HADH: variants seen among roughly 807,000 people sequenced by gnomAD.
HADH encodes the protein hydroxyacyl-coenzyme A dehydrogenase, mitochondrial.
HADH carries 24 observed loss-of-function variants against 32.2 expected under a neutral mutation model. That is an observed-to-expected ratio of 0.75 (90% CI 0.54 to 1.05). HADH has a LOEUF of 1.05. Among genes scored for constraint, HADH ranks in the 50% least tolerant of loss-of-function variants. The pLI is 0.00. For missense variants in HADH, 350 were observed against 397.1 expected, an observed-to-expected ratio of 0.88 and a Z score of 1.01; for synonymous variants, 139 against 152.5, an observed-to-expected ratio of 0.91 and a Z score of 0.65.
At chr4:108,030,853 T>C (rs959700004) in intron 6 of HADH, 3 of 152,234 alleles carry the variant, frequency 2.0e-5, no homozygotes, top group African/African-American at 7.2e-5. Context: ...GTATTTTGTT[T>C]CTCTGTTTCT....
rs553014808 is a variant in HADH, at chr4:107,990,743, C to CTTT, written c.132+700_132+702dup. 3.9e-3 allele frequency among the ~76,000 whole-genome samples: 441 copies of CTTT among 111,846 alleles called. 9 individuals are homozygous for CTTT. Among genetic ancestry groups the CTTT allele is most frequent in the African/African-American group, 8.5e-3 (232 of 27,270 alleles). The allele number at this position is 111,846 out of a possible 152,430, so 73.4% of individuals were successfully genotyped here. The stretch of plus-strand genomic sequence containing the variant: ...GCGCTGCAGCGGAATAAGTCTCTCT[C>CTTT]TTTTTTTTTTTTTTTTTTTTTTTGA... On this transcript the variant is annotated intron_variant, in intron 1 of 7. Coordinates refer to ENST00000309522, the MANE Select transcript of HADH (RefSeq NM_005327.7).
intron 1 of HADH, among the ~76,000 whole-genome samples, chr4:107,995,448 ATT>A (rs1734927917): frequency 6.6e-6 from 1 of 152,134 alleles, no homozygotes; most frequent in Non-Finnish European, 1.5e-5. Context: ...TCTAGTGAGG[ATT>A]TCTCTTAGAT....
intron 5 of HADH, chr4:108,024,248 G>A (rs1279855288): frequency 1.3e-5 from 2 of 151,978 alleles, no homozygotes; most frequent in African/African-American, 4.8e-5. Flanking sequence ...TTCCTCTTTA[G>A]TTCCCCCAAA....
At chr4:108,025,931 C>T (rs1736053096) in intron 5 of HADH, 1 of 152,194 alleles carries the variant, frequency 6.6e-6, no homozygotes, top group Non-Finnish European at 1.5e-5. Flanking sequence ...CTGATAGCAT[C>T]TGTCTCTCTG....
intron 2 of HADH, among the ~76,000 whole-genome samples, chr4:108,011,520 A>C (rs2126227456): frequency 6.6e-6 from 1 of 152,286 alleles, no homozygotes; most frequent in East Asian, 1.9e-4. Context: ...GGGTGGGGAC[A>C]CAGAGCCAAA....
chr4:108,033,932 T>C (rs1560741785), intron 7 of HADH, among the ~76,000 whole-genome samples: 1 of 152,266 alleles, frequency 6.6e-6, no homozygotes, highest in Non-Finnish European at 1.5e-5. Flanking sequence ...AGCAAATTAA[T>C]GGCTTCTGTC....
At chr4:107,995,264 G>A (rs1417327494) in intron 1 of HADH, among the ~76,000 whole-genome samples, 1 of 152,036 alleles carries the variant, frequency 6.6e-6, no homozygotes, top group Non-Finnish European at 1.5e-5. Flanking sequence ...AGGAACCTTG[G>A]GCAAATCACT....
In HADH at chr4:108,010,138, C is replaced by T. The variant is rs542424078; in HGVS notation, c.261+251C>T. ...GTGGGATTTGAGGTTGAGAAGAAAG[C>T]TTGTACATACAGGTGGTGAACTCAT... is the stretch of plus-strand genomic sequence containing the variant. On this transcript the variant is annotated intron_variant, in intron 2 of 7. Coordinates refer to ENST00000309522, the MANE Select transcript of HADH (RefSeq NM_005327.7). Among the ~76,000 whole-genome samples the T allele has an allele frequency of 2.6e-5, 4 of 152,052 alleles. No homozygotes were observed. The South Asian group carries it at 8.3e-4, about 32-fold the overall frequency.
In HADH at chr4:107,989,898, C is replaced by G. The variant is rs376518945; in HGVS notation, c.-35C>G. ...TGCCCGCCTCGCGCGTCTTCCCTGC[C>G]CGGGTCTCCTCGCTGTCGCCGCCGC... On this transcript the variant is annotated 5_prime_UTR_variant, in exon 1 of 8. Coordinates refer to ENST00000309522, the MANE Select transcript of HADH (RefSeq NM_005327.7). 21 of 1,606,944 alleles carry G rather than the reference C, an allele frequency of 1.3e-5. No homozygotes were observed. Among genetic ancestry groups the G allele is most frequent in the Non-Finnish European group, 1.8e-5 (21 of 1,177,924 alleles).
chr4:108,027,883 G>C, intron 6 of HADH, 123 bp downstream of exon 6: 1 of 727,130 alleles, frequency 1.4e-6, no homozygotes, highest in Non-Finnish European at 2.5e-6. Flanking sequence ...CTGTTTTCTA[G>C]CTTTGTGAGC....
At chr4:108,026,757 G>A (rs1736081919) in intron 5 of HADH, 1 of 152,202 alleles carries the variant, frequency 6.6e-6, no homozygotes, top group African/African-American at 2.4e-5. Context: ...CAGAGTTCAG[G>A]CCAGGGTGAG....
chr4:108,032,863 T>A, intron 6 of HADH: 1 of 394,866 alleles, frequency 2.5e-6, no homozygotes, highest in Non-Finnish European at 4.8e-6. Context: ...ACACCTGTAG[T>A]CTCAGCCACT....
At chr4:108,028,242 G>A (rs1018755406) in intron 6 of HADH, 1 of 185,710 alleles carries the variant, frequency 5.4e-6, no homozygotes, top group Non-Finnish European at 1.1e-5. Flanking sequence ...ATGTCATGAT[G>A]TACTTTTTGT....
At chr4:108,024,885 CTT>C (rs1163938520) in intron 5 of HADH, 1 of 152,202 alleles carries the variant, frequency 6.6e-6, no homozygotes, top group Non-Finnish European at 1.5e-5. Flanking sequence ...GATGGGAACT[CTT>C]TGTTCTCATT....
intron 5 of HADH, chr4:108,027,330 A>G (rs1736100836): frequency 5.3e-6 from 2 of 378,164 alleles, no homozygotes; most frequent in Admixed American, 3.7e-5. Context: ...CCCCCAGTTC[A>G]CAGATGATGA....
intron 4 of HADH, among the ~76,000 whole-genome samples, chr4:108,021,192 A>G (rs999512517): frequency 3.9e-5 from 6 of 152,204 alleles, no homozygotes; most frequent in Non-Finnish European, 8.8e-5. Context: ...ACATTTCAGT[A>G]CTTAGGGACT....
At chr4:108,023,382 A>T (rs1320996020) in intron 4 of HADH, 92 bp from the exon 5 acceptor site, 5 of 793,708 alleles carry the variant, frequency 6.3e-6, no homozygotes, top group Non-Finnish European at 1.2e-5. Context: ...TTTGTTGCCT[A>T]TATGGAGCCT....
intron 6 of HADH, chr4:108,032,522 T>A: frequency 1.8e-6 from 1 of 564,458 alleles, no homozygotes; most frequent in Non-Finnish European, 3.3e-6. Flanking sequence ...AGAAAGTTTA[T>A]TTATAAATCA....
intron 6 of HADH, chr4:108,030,302 C>T (rs548075596): frequency 2.0e-5 from 3 of 152,670 alleles, no homozygotes; most frequent in Admixed American, 1.3e-4. Flanking sequence ...CATCACAACT[C>T]TTCTTGCTTT....
Sources: allele counts gnomAD v4.1 joint callset (sites outside exome capture counted in the v4.1 genomes callset), GRCh38; gene constraint gnomAD v4.1.1; transcripts MANE v1.5; gene names NCBI Gene and HGNC (gene_info 2026-07-23, HGNC 2026-07-21).